HCST: variants seen among roughly 807,000 people sequenced by gnomAD.
The protein encoded by HCST is DNAX-activation protein 10.
In HCST, 12 loss-of-function variants were observed where a neutral mutation model predicts 10.8. The ratio of observed to expected loss-of-function variants is 1.12; its 90% CI spans 0.72 to 1.81. HCST has a LOEUF of 1.81. HCST is among the 40% of genes most tolerant of loss of function. The probability of loss-of-function intolerance (pLI) is 0.00; values close to 1 mark genes in which losing one functional copy is unlikely to be tolerated. For missense variants in HCST, 102 were observed against 117.9 expected (o/e 0.87, Z 0.62); for synonymous variants, 59 against 51.6 (o/e 1.14, Z -0.61).
In HCST at chr19:35,903,682, C is replaced by T. The variant is rs1046310384; in HGVS notation, c.110-90C>T. The T allele has an allele frequency of 6.9e-6, 11 of 1,585,042 alleles. No individual in the cohort carries two copies. In the African/African-American group the frequency reaches 1.3e-4, roughly 19 times the overall value. On this transcript the variant is annotated intron_variant, in intron 2 of 3. Transcript: ENST00000246551. ...CCAAGGAACCTGGGACCCGCCCCCT[C>T]GCAGGGGACTTCCTCTCTGCCTGTG...
At position 35,904,358 on chromosome 19, in the gene HCST, C is replaced by A. The variant is rs1423591505; in HGVS notation, c.*198C>A. 1.3e-6 allele frequency: 1 copy of A among 791,394 alleles called. No homozygotes were observed. Among genetic ancestry groups the A allele is most frequent in the Admixed American group, 2.0e-5 (1 of 49,112 alleles). The allele number at this position is 791,394 out of a possible 1,614,324, so 49.0% of individuals were successfully genotyped here. On this transcript the variant is annotated 3_prime_UTR_variant, in exon 4 of 4. Coordinates refer to ENST00000246551, the MANE Select transcript of HCST (RefSeq NM_014266.4). The stretch of plus-strand genomic sequence containing the variant: ...TTCTGGATCCAAGGCCCCCTCAGAA[C>A]CCCCACATGTCCCCATCCCATCAGC...
chr19:35,904,199 A>C lies in HCST; in HGVS notation c.*39A>C. 1.2e-6 allele frequency: 2 copies of C among 1,603,176 alleles called. No homozygotes were observed. The highest frequency in any genetic ancestry group is 1.7e-6 in the Non-Finnish European group (2 of 1,170,254). On this transcript the variant is annotated 3_prime_UTR_variant, in exon 4 of 4. Transcript: ENST00000246551. ...TGGACCTTTGACTTCTGACCCTCTCATCCTGGATGGTGTGTGGTGGCACAG... is the reference window on the plus strand; with the variant it reads ...TGGACCTTTGACTTCTGACCCTCTCCTCCTGGATGGTGTGTGGTGGCACAG...
rs373031117 is a variant in HCST, at chr19:35,903,721, C to T, written c.110-51C>T. The T allele has an allele frequency of 4.3e-6, 7 of 1,613,718 alleles. No homozygotes were observed. The African/African-American group carries it at 9.3e-5, about 21-fold the overall frequency. The stretch of plus-strand genomic sequence containing the variant: ...TCTCTGCCTGTGGCCAAAGCACAGC[C>T]CCAGGACGCAGAGCTTGAGTTGTCT... On this transcript the variant is annotated intron_variant, in intron 2 of 3. Transcript: ENST00000246551.
rs1233069486 is a variant in HCST at position 35,904,233 on chromosome 19, GC to G, written c.*77del. ...GGTGTGTGGTGGCACAGGAACCCCCGCCCCAACTTTTGGATTGTAATAAAAC... is the reference window on the plus strand; with the variant it reads ...GGTGTGTGGTGGCACAGGAACCCCCGCCCAACTTTTGGATTGTAATAAAAC... On this transcript the variant is annotated 3_prime_UTR_variant, in exon 4 of 4. Coordinates refer to ENST00000246551, the MANE Select transcript of HCST (RefSeq NM_014266.4). The G allele has an allele frequency of 6.1e-6, 9 of 1,465,534 alleles. No homozygotes were observed. Among genetic ancestry groups the G allele is most frequent in the Non-Finnish European group, 8.6e-6 (9 of 1,051,134 alleles). The allele number at this position is 1,465,534 out of a possible 1,614,324, so 90.8% of individuals were successfully genotyped here.
chr19:35,904,262 T>C lies in HCST; in HGVS notation c.*102T>C. Reference sequence around the variant, plus strand: ...CAACTTTTGGATTGTAATAAAACAATTGAAACACCTGTAGTCGTATTCTTT... The same window carrying C: ...CAACTTTTGGATTGTAATAAAACAACTGAAACACCTGTAGTCGTATTCTTT... On this transcript the variant is annotated 3_prime_UTR_variant, in exon 4 of 4. Transcript: ENST00000246551. 1 of 1,185,972 alleles carries C rather than the reference T, an allele frequency of 8.4e-7. No homozygotes were observed. Among genetic ancestry groups the C allele is most frequent in the East Asian group, 2.3e-5 (1 of 42,842 alleles). 73.5% of individuals were successfully genotyped at this position (1,185,972 alleles called of 1,614,324 possible).
intron 2 of HCST, 171 bp from the exon 3 acceptor site, chr19:35,903,601 C>T (rs1975637128): frequency 1.3e-5 from 14 of 1,097,676 alleles, no homozygotes; most frequent in East Asian, 2.5e-5. Context: ...CCCGAGGGTC[C>T]TGGGACACCC....
chr19:35,903,618 CTCTGCA>C, intron 2 of HCST, 148 bp from the exon 3 acceptor site: 1 of 1,181,788 alleles, frequency 8.5e-7, no homozygotes, highest in East Asian at 2.5e-5. Flanking sequence ...ACCCCAGCCT[CTCTGCA>C]TCTGTCTCCC....
At chr19:35,902,704 C>T in intron 1 of HCST, 68 bp downstream of exon 1, 1 of 1,494,894 alleles carries the variant, frequency 6.7e-7, no homozygotes, top group Non-Finnish European at 9.3e-7. Flanking sequence ...GTGACGTCTG[C>T]AGGGACGGGT....
At position 35,903,383 on chromosome 19, in the gene HCST, T is replaced by A. The variant is rs769844034; in HGVS notation, c.76T>A (p.Ser26Thr). The change falls in exon 2 of 4, where the codon TCA (serine) becomes ACA (threonine). Residue 26 changes from serine (S) to threonine (T), a missense_variant. By Grantham distance (58) the Ser-to-Thr change is moderately conservative. Transcript: ENST00000246551. Reference protein sequence around the residue: ...AAAQTTPGERSSLPAFYPGTS... With the variant: ...AAAQTTPGERTSLPAFYPGTS... ...AGCTCAGACGACTCCAGGAGAGAGATCATCACTCCCTGCCTTTTACCCTGG... is the reference window on the plus strand; with the variant it reads ...AGCTCAGACGACTCCAGGAGAGAGAACATCACTCCCTGCCTTTTACCCTGG... The A allele has an allele frequency of 6.2e-6, 10 of 1,613,716 alleles. No homozygotes were observed. Among genetic ancestry groups the A allele is most frequent in the Non-Finnish European group, 7.6e-6 (9 of 1,179,900 alleles).
rs896902602 is a variant in HCST, at chr19:35,902,622, T to G, written c.29T>G (p.Leu10Arg). The change falls in exon 1 of 4, where the codon CTG becomes CGG. Residue 10 changes from leucine to arginine, a missense_variant. Coordinates refer to ENST00000246551, the MANE Select transcript of HCST (RefSeq NM_014266.4). MIHLGHILFLLLLPVAAAQT... is the reference protein window; with the variant it reads MIHLGHILFRLLLPVAAAQT... ...ATCCATCTGGGTCACATCCTCTTCC[T>G]GCTTTTGCTCCCAGGTGAAGCCAGT... 33 of 1,614,180 alleles carry G rather than the reference T, an allele frequency of 2.0e-5. No homozygotes were observed. The highest frequency in any genetic ancestry group is 2.8e-5 in the Non-Finnish European group (33 of 1,180,016).
At position 35,903,824 on chromosome 19, in the gene HCST, G is replaced by A. The variant is rs1975644949; in HGVS notation, c.162G>A (p.Val54=). ...SLSLPLLAGL[V]AADAVASLLI... is the part of the protein sequence containing the mutation. ...CTCTGCCGCTCCTGGCAGGCCTCGT[G>A]GCTGCTGATGCGGTGGCATCGCTGC... Residue 54 remains valine, a synonymous_variant, in exon 3 of 4, where the codon GTG becomes GTA. Coordinates refer to ENST00000246551, the MANE Select transcript of HCST (RefSeq NM_014266.4). The A allele has an allele frequency of 6.2e-7, 1 of 1,613,918 alleles. No homozygotes were observed. The highest frequency in any genetic ancestry group is 1.1e-5 in the South Asian group (1 of 91,086).
intron 3 of HCST, 27 bp downstream of exon 3, chr19:35,903,930 G>A (rs1445736965): frequency 3.7e-6 from 6 of 1,603,762 alleles, no homozygotes; most frequent in African/African-American, 1.3e-5. Flanking sequence ...GCGGGGCCTG[G>A]AAGGTGTATA....
chr19:35,902,693 G>A (rs1300696251), intron 1 of HCST, 57 bp downstream of exon 1: 16 of 1,556,502 alleles, frequency 1.0e-5, no homozygotes, highest in Non-Finnish European at 1.4e-5. Context: ...TGGGTGCTTG[G>A]GTGACGTCTG....
Position 35,903,358 on chromosome 19 carries a change from A to C in HCST, c.51A>C (p.Ala17=). ...ILFLLLLPVA[A]AQTTPGERSS... The stretch of plus-strand genomic sequence containing the variant: ...TTCTTTCTCTTTCCACAGTGGCTGC[A>C]GCTCAGACGACTCCAGGAGAGAGAT... The change falls in exon 2 of 4, where the codon GCA becomes GCC. Residue 17 remains alanine (A), a synonymous_variant. Coordinates refer to ENST00000246551, the MANE Select transcript of HCST (RefSeq NM_014266.4). 1 of 1,613,586 alleles carries C rather than the reference A, an allele frequency of 6.2e-7. No individual in the cohort carries two copies. Among genetic ancestry groups the C allele is most frequent in the Non-Finnish European group, 8.5e-7 (1 of 1,179,760 alleles).
chr19:35,902,815 G>T (rs2146980582), intron 1 of HCST, 179 bp downstream of exon 1: 1 of 621,186 alleles, frequency 1.6e-6, no homozygotes, highest in Non-Finnish European at 2.8e-6. Context: ...GAGACAGGGA[G>T]TTCTGGAGGG....
Position 35,904,182 on chromosome 19 carries a change from T to C in HCST, c.*22T>C. The C allele has an allele frequency of 6.2e-7, 1 of 1,613,228 alleles. No individual in the cohort carries two copies. Among genetic ancestry groups the C allele is most frequent in the South Asian group, 1.1e-5 (1 of 91,064 alleles). ...CTGACCCTCCTGCAGCTTGGACCTT[T>C]GACTTCTGACCCTCTCATCCTGGAT... On this transcript the variant is annotated 3_prime_UTR_variant, in exon 4 of 4. Coordinates refer to ENST00000246551, the MANE Select transcript of HCST (RefSeq NM_014266.4).
chr19:35,903,715 C>T (rs1462363469), intron 2 of HCST, 57 bp from the exon 3 acceptor site: 3 of 1,613,094 alleles, frequency 1.9e-6, no homozygotes, highest in Non-Finnish European at 2.5e-6. Flanking sequence ...GTGGCCAAAG[C>T]ACAGCCCCAG....
intron 1 of HCST, chr19:35,902,920 T>A (rs1975615882): frequency 2.0e-6 from 1 of 492,718 alleles, no homozygotes; most frequent in Admixed American, 3.5e-5. Flanking sequence ...CCTTCCCATG[T>A]GGTCCTGTTC....
chr19:35,903,904 G>A lies in HCST; in HGVS notation c.241+1G>A. ...CGCCCACGCCGCAGCCCCGCCCAAGGTGAGGGCGGAGATGGGCGGGGCCTG... is the reference window on the plus strand; with the variant it reads ...CGCCCACGCCGCAGCCCCGCCCAAGATGAGGGCGGAGATGGGCGGGGCCTG... On this transcript the variant is annotated splice_donor_variant, in intron 3 of 3. Coordinates refer to ENST00000246551, the MANE Select transcript of HCST (RefSeq NM_014266.4). LOFTEE classifies it high-confidence loss of function. 6.2e-7 allele frequency: 1 copy of A among 1,610,568 alleles called. No homozygotes were observed. Among genetic ancestry groups the A allele is most frequent in the Non-Finnish European group, 8.5e-7 (1 of 1,179,000 alleles).
Sources: allele counts gnomAD v4.1 joint callset, GRCh38; gene constraint gnomAD v4.1.1; transcripts MANE v1.5; gene names NCBI Gene and HGNC (gene_info 2026-07-23, HGNC 2026-07-21).